Variants in ADD2 observed in about 807,000 individuals in gnomAD.
The protein encoded by ADD2 is beta-adducin.
ADD2 carries 23 observed loss-of-function variants against 83.0 expected under a neutral mutation model. The ratio of observed to expected loss-of-function variants is 0.28; its 90% CI spans 0.20 to 0.39. The LOEUF (loss-of-function observed/expected upper bound fraction) is 0.39. Among genes scored for constraint, ADD2 ranks in the 10% least tolerant of loss-of-function variants. ADD2 has a pLI of 1.00. For missense variants in ADD2, 758 were observed against 944.9 expected (o/e 0.80, Z 2.59); for synonymous variants, 375 against 375.4 (o/e 1.00, Z 0.01).
At chr2:70,696,169 AGG>A (rs1157157675) in intron 5 of ADD2, 74 bp downstream of exon 5, 1 of 1,540,522 alleles carries the variant, frequency 6.5e-7, no homozygotes, top group African/African-American at 1.4e-5. Context: ...GGCCATGCCA[AGG>A]GTCAGGAGTT....
chr2:70,729,242 C>T (rs1553378878), intron 1 of ADD2, among the ~76,000 whole-genome samples: 1 of 152,190 alleles, frequency 6.6e-6, no homozygotes, highest in African/African-American at 2.4e-5. Context: ...GCCCACCATG[C>T]ACCATGTTCC....
chr2:70,684,042 C>T (rs1300666388), intron 9 of ADD2, among the ~76,000 whole-genome samples: 1 of 152,184 alleles, frequency 6.6e-6, no homozygotes, highest in Admixed American at 6.5e-5. Flanking sequence ...ACCTGGGATA[C>T]AGACTAACCT....
At chr2:70,718,210 C>T (rs1672568072) in intron 1 of ADD2, among the ~76,000 whole-genome samples, 1 of 152,202 alleles carries the variant, frequency 6.6e-6, no homozygotes, top group Non-Finnish European at 1.5e-5. Context: ...CATGAATGGA[C>T]TGAGTATTCT....
chr2:70,685,218 A>G (rs781848629), intron 9 of ADD2, among the ~76,000 whole-genome samples: 2 of 152,204 alleles, frequency 1.3e-5, no homozygotes, highest in Non-Finnish European at 2.9e-5. Flanking sequence ...AAATGAAAAA[A>G]TCCAATTTAA....
At position 70,683,538 on chromosome 2, in the gene ADD2, AG is replaced by A. The variant is rs1443286110; in HGVS notation, c.1125+52del. On this transcript the variant is annotated intron_variant, in intron 10 of 15. Transcript: ENST00000264436. ...CTGATGCCTTGTACTTCCTGGTTCC[AG>A]GGGGCTAAGCCTCAATGGACTGGCC... The A allele has an allele frequency of 2.6e-6, 4 of 1,547,716 alleles. No individual in the cohort carries two copies. In the Admixed American group the frequency reaches 7.2e-5, roughly 28 times the overall value.
chr2:70,744,471 C>A (rs1674079306), intron 1 of ADD2, among the ~76,000 whole-genome samples: 1 of 152,144 alleles, frequency 6.6e-6, no homozygotes, highest in Non-Finnish European at 1.5e-5. Context: ...GGGAAAATGA[C>A]CTCTGAAGAG....
At chr2:70,670,445 G>A (rs1372526827) in intron 15 of ADD2, among the ~76,000 whole-genome samples, 5 of 152,192 alleles carry the variant, frequency 3.3e-5, no homozygotes, top group Non-Finnish European at 5.9e-5. Flanking sequence ...CTTTGCAGGC[G>A]TAGCCAGTTG....
At chr2:70,717,282 C>T (rs1044546974) in intron 1 of ADD2, among the ~76,000 whole-genome samples, 1 of 152,210 alleles carries the variant, frequency 6.6e-6, no homozygotes, top group Non-Finnish European at 1.5e-5. Context: ...TACATGTAAC[C>T]ACTGGAGTAT....
At chr2:70,696,701 A>C (rs1671330438) in intron 4 of ADD2, among the ~76,000 whole-genome samples, 2 of 152,244 alleles carry the variant, frequency 1.3e-5, no homozygotes. Flanking sequence ...TAAACTCTGA[A>C]GATGGGCACT....
At chr2:70,664,766 C>T (rs562015659) in intron 15 of ADD2, among the ~76,000 whole-genome samples, 18 of 137,404 alleles carry the variant, frequency 1.3e-4, no homozygotes, top group African/African-American at 4.7e-4. Context: ...TGAGGGTGTG[C>T]AAGTGTGAGT....
chr2:70,720,597 T>C (rs566532351), intron 1 of ADD2, among the ~76,000 whole-genome samples: 48 of 152,348 alleles, frequency 3.2e-4, no homozygotes, highest in African/African-American at 1.1e-3. Flanking sequence ...TGTTGACATA[T>C]TCCCTACATT....
At chr2:70,704,280 C>CCCCCA in intron 4 of ADD2, 41 bp downstream of exon 4, 1 of 1,509,724 alleles carries the variant, frequency 6.6e-7, no homozygotes, top group South Asian at 1.3e-5. Flanking sequence ...CCCACCCTCC[C>CCCCCA]CTCCACCTCT....
intron 15 of ADD2, among the ~76,000 whole-genome samples, chr2:70,666,947 AG>A: frequency 6.6e-6 from 1 of 152,176 alleles, no homozygotes; most frequent in Non-Finnish European, 1.5e-5. Context: ...CTATAGAGTC[AG>A]AGACCACTGG....
chr2:70,761,676 CTT>C (rs1203725114), intron 1 of ADD2, among the ~76,000 whole-genome samples: 1 of 140,272 alleles, frequency 7.1e-6, no homozygotes, highest in African/African-American at 2.6e-5. Context: ...ATAGACACAA[CTT>C]TTTTTTTTTT....
intron 5 of ADD2, 128 bp from the exon 6 acceptor site, chr2:70,695,929 T>TC (rs1297123689): frequency 5.7e-5 from 44 of 770,814 alleles, no homozygotes; most frequent in East Asian, 8.1e-5. Flanking sequence ...CCCTTATCTC[T>TC]CCCCCCCAGC....
chr2:70,701,333 C>T (rs1481771488), intron 4 of ADD2, among the ~76,000 whole-genome samples: 1 of 152,008 alleles, frequency 6.6e-6, no homozygotes, highest in Non-Finnish European at 1.5e-5. Context: ...TATTTTATGA[C>T]ATTCAACATC....
intron 15 of ADD2, among the ~76,000 whole-genome samples, chr2:70,670,030 C>T (rs1669836806): frequency 6.6e-6 from 1 of 152,312 alleles, no homozygotes; most frequent in Non-Finnish European, 1.5e-5. Flanking sequence ...GCAGATATCA[C>T]ATCAATTAGA....
chr2:70,681,065 A>G (rs1553369439), intron 10 of ADD2, among the ~76,000 whole-genome samples: 2 of 152,300 alleles, frequency 1.3e-5, no homozygotes, highest in East Asian at 3.9e-4. Context: ...TTTTACTAAA[A>G]TGTAGGCATA....
intron 8 of ADD2, among the ~76,000 whole-genome samples, chr2:70,688,597 C>T (rs550989706): frequency 5.4e-4 from 82 of 152,254 alleles, no homozygotes; most frequent in African/African-American, 1.9e-3. Flanking sequence ...ACTTAGTTGA[C>T]GTGGGAGTCA....
Sources: gnomAD v4.1 joint callset for allele counts (sites outside exome capture counted in the v4.1 genomes callset) on GRCh38, gnomAD v4.1.1 for gene constraint, MANE v1.5 for transcripts, NCBI Gene and HGNC (gene_info 2026-07-23, HGNC 2026-07-21) for gene names.